Variants in SEC24A observed in about 807,000 individuals in gnomAD.
SEC24A encodes the protein SEC24 homolog A, COPII component, also known as protein transport protein Sec24A.
In SEC24A, 93 loss-of-function variants were observed where a neutral mutation model predicts 129.4. That is an observed-to-expected ratio of 0.72 (90% CI 0.61 to 0.85). SEC24A has a LOEUF of 0.85. Among genes scored for constraint, SEC24A ranks in the 40% least tolerant of loss-of-function variants. SEC24A has a pLI of 0.00. For missense variants in SEC24A, 1,264 were observed against 1,307.4 expected, an observed-to-expected ratio of 0.97 and a Z score of 0.51; for synonymous variants, 460 against 467.3, an observed-to-expected ratio of 0.98 and a Z score of 0.20.
intron 17 of SEC24A, among the ~76,000 whole-genome samples, chr5:134,707,387 T>C (rs1018362686): frequency 6.6e-6 from 1 of 151,856 alleles, no homozygotes; most frequent in African/African-American, 2.4e-5. Context: ...TGGAGTGCAG[T>C]GGCGTGATCT....
At chr5:134,659,842 G>A (rs1479506561) in intron 1 of SEC24A, among the ~76,000 whole-genome samples, 1 of 151,812 alleles carries the variant, frequency 6.6e-6, no homozygotes, top group South Asian at 2.1e-4. Context: ...TTATAGAGAC[G>A]AGGTCTTACT....
chr5:134,687,865 A>G (rs889041210), intron 10 of SEC24A, among the ~76,000 whole-genome samples: 2 of 152,198 alleles, frequency 1.3e-5, no homozygotes, highest in African/African-American at 4.8e-5. Context: ...ATCATCTGCA[A>G]AATTTCATTA....
chr5:134,720,490 T>G (rs1752599369), intron 20 of SEC24A, among the ~76,000 whole-genome samples: 1 of 152,212 alleles, frequency 6.6e-6, no homozygotes, highest in Non-Finnish European at 1.5e-5. Context: ...ACCTTTCCCC[T>G]CCATATCTTC....
At chr5:134,660,968 G>C in intron 1 of SEC24A, 151 bp from the exon 2 acceptor site, 1 of 646,818 alleles carries the variant, frequency 1.5e-6, no homozygotes, top group Non-Finnish European at 2.7e-6. Flanking sequence ...TTCTTTGGAA[G>C]TATGTTTGAA....
At chr5:134,706,444 C>A (rs193150908) in intron 17 of SEC24A, among the ~76,000 whole-genome samples, 1 of 152,286 alleles carries the variant, frequency 6.6e-6, no homozygotes, top group African/African-American at 2.4e-5. Context: ...AGCTTAATAA[C>A]ATCATTTTGA....
rs764479650 is a variant in SEC24A, at chr5:134,686,841, A to G, written c.1543A>G (p.Asn515Asp). 8.7e-6 allele frequency: 14 copies of G among 1,611,132 alleles called. No homozygotes were observed. In the East Asian group the frequency reaches 2.9e-4, roughly 33 times the overall value. The change falls in exon 10 of 23, where the codon AAT becomes GAT. Residue 515 changes from asparagine (N) to aspartate (D), a missense_variant. Transcript: ENST00000398844. ...VYLFVFDVSH[N>D]AVETGYLNSV... Reference sequence around the variant, plus strand: ...TCTCTTTGTATTTGATGTGTCTCACAATGCAGTCGAAACTGGATACTTGAA... The same window carrying G: ...TCTCTTTGTATTTGATGTGTCTCACGATGCAGTCGAAACTGGATACTTGAA...
At chr5:134,687,897 A>T (rs541982948) in intron 10 of SEC24A, among the ~76,000 whole-genome samples, 1 of 152,280 alleles carries the variant, frequency 6.6e-6, no homozygotes, top group African/African-American at 2.4e-5. Context: ...TATTTTTAAC[A>T]TACTGTTTCC....
intron 2 of SEC24A, among the ~76,000 whole-genome samples, 160 bp from the exon 3 acceptor site, chr5:134,666,663 T>C (rs1335614769): frequency 2.0e-5 from 3 of 152,112 alleles, no homozygotes; most frequent in Non-Finnish European, 4.4e-5. Flanking sequence ...TGCATGTAGA[T>C]TGAAAAATTG....
intron 10 of SEC24A, among the ~76,000 whole-genome samples, chr5:134,687,497 C>T (rs1030273706): frequency 6.6e-6 from 1 of 152,166 alleles, no homozygotes; most frequent in Admixed American, 6.6e-5. Flanking sequence ...CCCATCAAAG[C>T]TAATGTGACC....
At chr5:134,706,448 A>G (rs531666362) in intron 17 of SEC24A, among the ~76,000 whole-genome samples, 2 of 152,204 alleles carry the variant, frequency 1.3e-5, no homozygotes, top group African/African-American at 2.4e-5. Context: ...TAATAACATC[A>G]TTTTGATTCT....
At chr5:134,653,394 C>T (rs543987568) in intron 1 of SEC24A, among the ~76,000 whole-genome samples, 2 of 152,240 alleles carry the variant, frequency 1.3e-5, no homozygotes, top group East Asian at 1.9e-4. Context: ...GGACTACAGG[C>T]ACATGCCCTG....
chr5:134,721,452 A>C (rs948558416), intron 21 of SEC24A, among the ~76,000 whole-genome samples: 2 of 150,468 alleles, frequency 1.3e-5, no homozygotes, highest in Non-Finnish European at 2.9e-5. Context: ...AGTCCCAGCT[A>C]CTCAGGAGAT....
intron 2 of SEC24A, among the ~76,000 whole-genome samples, chr5:134,663,275 C>T (rs184052897): frequency 6.6e-6 from 1 of 151,972 alleles, no homozygotes; most frequent in Non-Finnish European, 1.5e-5. Flanking sequence ...CTTACCCTGT[C>T]GCCCAGGGTA....
chr5:134,707,437 C>T (rs907268915), intron 17 of SEC24A, among the ~76,000 whole-genome samples: 1 of 151,734 alleles, frequency 6.6e-6, no homozygotes, highest in South Asian at 2.1e-4. Flanking sequence ...TCACGCCATT[C>T]GCCTGCCTCA....
At chr5:134,712,949 T>TTTTTTA in intron 18 of SEC24A, among the ~76,000 whole-genome samples, 2 of 146,582 alleles carry the variant, frequency 1.4e-5, no homozygotes, top group African/African-American at 5.1e-5. Flanking sequence ...TTTTTTTTTT[T>TTTTTTA]GAGACAGAGT....
chr5:134,705,088 A>ATTTTTTTTTTT (rs1252732652), intron 16 of SEC24A, among the ~76,000 whole-genome samples: 1 of 129,304 alleles, frequency 7.7e-6, no homozygotes, highest in Non-Finnish European at 1.6e-5. Flanking sequence ...ATATATATAT[A>ATTTTTTTTTTT]TATTTTTTTT....
At chr5:134,666,698 C>T in intron 2 of SEC24A, 125 bp from the exon 3 acceptor site, 1 of 713,936 alleles carries the variant, frequency 1.4e-6, no homozygotes, top group Non-Finnish European at 2.4e-6. Flanking sequence ...TAACATGTTT[C>T]TGGTAACTCT....
chr5:134,649,859 T>A (rs1401736554), intron 1 of SEC24A, among the ~76,000 whole-genome samples: 3 of 152,240 alleles, frequency 2.0e-5, no homozygotes, highest in Non-Finnish European at 4.4e-5. Context: ...TATAATTTTA[T>A]ACCTCTTCTA....
intron 14 of SEC24A, 119 bp from the exon 15 acceptor site, chr5:134,697,780 T>C (rs2150100627): frequency 9.2e-7 from 1 of 1,081,690 alleles, no homozygotes; most frequent in South Asian, 1.6e-5. Flanking sequence ...TAAAATCTCC[T>C]TTCTGACAGT....
Sources: gnomAD v4.1 joint callset for allele counts (sites outside exome capture counted in the v4.1 genomes callset) on GRCh38, gnomAD v4.1.1 for gene constraint, MANE v1.5 for transcripts, NCBI Gene and HGNC (gene_info 2026-07-23, HGNC 2026-07-21) for gene names.